The following IPMK variants were observed in gnomAD, a reference collection of about 807,000 sequenced individuals.
IPMK encodes inositol 1,3,4,6-tetrakisphosphate 5-kinase.
Under a neutral mutation model 45.8 loss-of-function variants are expected in IPMK, and 17 were observed. That is an observed-to-expected ratio of 0.37 (90% CI 0.25 to 0.56). IPMK has a LOEUF of 0.56. IPMK is among the 20% of genes least tolerant of loss of function. The probability of loss-of-function intolerance (pLI) is 0.79; values close to 1 mark genes in which losing one functional copy is unlikely to be tolerated. For synonymous variants in IPMK, 180 were observed against 184.3 expected, an observed-to-expected ratio of 0.98 and a Z score of 0.19; for missense variants, 399 against 498.0, an observed-to-expected ratio of 0.80 and a Z score of 1.89.
At chr10:58,231,158 C>T (rs1838510823) in intron 2 of IPMK, among the ~76,000 whole-genome samples, 1 of 152,120 alleles carries the variant, frequency 6.6e-6, no homozygotes, top group South Asian at 2.1e-4. Flanking sequence ...AACAAAGCCT[C>T]CAAGAAATAT....
At chr10:58,223,372 G>A (rs1050826919) in intron 3 of IPMK, among the ~76,000 whole-genome samples, 4 of 151,940 alleles carry the variant, frequency 2.6e-5, no homozygotes, top group South Asian at 2.1e-4. Context: ...GAAAAATCTC[G>A]AAAAATCTAC....
At chr10:58,220,645 C>CA (rs58216154) in intron 3 of IPMK, among the ~76,000 whole-genome samples, 51,337 of 151,888 alleles carry the variant, frequency 0.34, 10,897 homozygotes, top group African/African-American at 0.61. Context: ...GTCCTCATCC[C>CA]ATAAATGCAG....
At chr10:58,203,504 C>G (rs888398244) in intron 4 of IPMK, among the ~76,000 whole-genome samples, 2 of 151,988 alleles carry the variant, frequency 1.3e-5, no homozygotes, top group Admixed American at 6.6e-5. Context: ...CTTTTGTAGA[C>G]GGGGTTTCAC....
intron 2 of IPMK, among the ~76,000 whole-genome samples, chr10:58,236,033 AT>A (rs1199696889): frequency 2.0e-5 from 3 of 151,070 alleles, no homozygotes; most frequent in Non-Finnish European, 4.4e-5. Context: ...GGTTCAAATG[AT>A]TTTCCTGCCT....
At chr10:58,209,866 G>C (rs538845205) in intron 4 of IPMK, among the ~76,000 whole-genome samples, 2 of 152,284 alleles carry the variant, frequency 1.3e-5, no homozygotes, top group East Asian at 1.9e-4. Flanking sequence ...GGCCTGAGTT[G>C]GTTGGCCTCC....
At chr10:58,266,748 A>G (rs1189694296) in intron 1 of IPMK, among the ~76,000 whole-genome samples, 1 of 152,206 alleles carries the variant, frequency 6.6e-6, no homozygotes, top group African/African-American at 2.4e-5. Flanking sequence ...AGCCTTATAA[A>G]ATGAACAAGA....
chr10:58,226,956 T>C, intron 3 of IPMK, 87 bp downstream of exon 3: 1 of 784,942 alleles, frequency 1.3e-6, no homozygotes, highest in Non-Finnish European at 2.1e-6. Flanking sequence ...TAATACATAC[T>C]CAGTTAAATT....
chr10:58,257,222 C>T (rs867094922), intron 1 of IPMK, among the ~76,000 whole-genome samples: 5 of 152,100 alleles, frequency 3.3e-5, no homozygotes, highest in African/African-American at 7.2e-5. Context: ...CAGCCAGGCC[C>T]GGTGGCTCAC....
At chr10:58,227,309 T>C (rs1181913900) in intron 2 of IPMK, among the ~76,000 whole-genome samples, 170 bp from the exon 3 acceptor site, 1 of 128,968 alleles carries the variant, frequency 7.8e-6, no homozygotes, top group Non-Finnish European at 1.6e-5. Flanking sequence ...TGAGTAACTA[T>C]GTATTTAGAG....
At chr10:58,197,300 AAAATAAATAAAT>A (rs200761885) in intron 5 of IPMK, among the ~76,000 whole-genome samples, 16 of 83,316 alleles carry the variant, frequency 1.9e-4, no homozygotes, top group South Asian at 1.8e-3. Context: ...CTCCGTCTCA[AAAATAAATAAAT>A]AAATAAATAA....
chr10:58,264,697 GTC>G (rs1273276889), intron 1 of IPMK, among the ~76,000 whole-genome samples: 1 of 152,080 alleles, frequency 6.6e-6, no homozygotes, highest in African/African-American at 2.4e-5. Flanking sequence ...ATGGTGAAAA[GTC>G]TAAAAATCTA....
At chr10:58,197,476 T>G (rs201321511) in intron 5 of IPMK, among the ~76,000 whole-genome samples, 1 of 146,526 alleles carries the variant, frequency 6.8e-6, no homozygotes, top group Admixed American at 6.8e-5. Flanking sequence ...CGGTGAAACC[T>G]CGTCTCTACT....
In IPMK at chr10:58,227,039, T is replaced by C; in HGVS notation, c.373+4A>G. Reference sequence around the variant, plus strand: ...CTGAAAGATAATTTTTATGACAAGATTACCGTTTGGTGCAGTGGGAGGTGA... The same window carrying C: ...CTGAAAGATAATTTTTATGACAAGACTACCGTTTGGTGCAGTGGGAGGTGA... On this transcript the variant is annotated splice_donor_region_variant and intron_variant, in intron 3 of 5. Transcript: ENST00000373935. 6.3e-7 allele frequency: 1 copy of C among 1,588,478 alleles called. No individual in the cohort carries two copies.
chr10:58,241,514 G>C (rs900302239), intron 1 of IPMK, among the ~76,000 whole-genome samples: 1 of 152,136 alleles, frequency 6.6e-6, no homozygotes, highest in East Asian at 1.9e-4. Flanking sequence ...CAAATCTGTG[G>C]TGCACTGACA....
chr10:58,238,681 C>T (rs1043757770), intron 1 of IPMK, among the ~76,000 whole-genome samples: 1 of 152,140 alleles, frequency 6.6e-6, no homozygotes, highest in African/African-American at 2.4e-5. Context: ...TGTGCTAACA[C>T]TGTAACAAGA....
intron 1 of IPMK, among the ~76,000 whole-genome samples, chr10:58,252,191 G>A (rs906615721): frequency 2.0e-5 from 3 of 152,264 alleles, no homozygotes; most frequent in African/African-American, 2.4e-5. Context: ...AAAACATCTT[G>A]TAGTTACAAC....
rs534185571 is a variant in IPMK at position 58,250,720 on chromosome 10, G to T, written c.191-12906C>A. ...TAGGAGTAGGACTTCCACTCAAATAGGAGTAGTGAAAATGAGCATCCTTGT... is the reference window on the plus strand; with the variant it reads ...TAGGAGTAGGACTTCCACTCAAATATGAGTAGTGAAAATGAGCATCCTTGT... On this transcript the variant is annotated intron_variant, in intron 1 of 5. Coordinates refer to ENST00000373935, the MANE Select transcript of IPMK (RefSeq NM_152230.5). 2.0e-5 allele frequency among the ~76,000 whole-genome samples: 3 copies of T among 152,262 alleles called. No homozygotes were observed. In the South Asian group the frequency reaches 6.2e-4, roughly 32 times the overall value.
At chr10:58,212,532 G>T in intron 4 of IPMK, 1 of 205,534 alleles carries the variant, frequency 4.9e-6, no homozygotes, top group Admixed American at 5.0e-5. Flanking sequence ...TGCCGAATTT[G>T]TTAACCCTTT....
intron 3 of IPMK, among the ~76,000 whole-genome samples, chr10:58,218,996 T>C (rs1838290554): frequency 6.6e-6 from 1 of 152,224 alleles, no homozygotes; most frequent in African/African-American, 2.4e-5. Flanking sequence ...TAAATAGGGA[T>C]GAATATCATG....
Sources: gnomAD v4.1 joint callset for allele counts (sites outside exome capture counted in the v4.1 genomes callset) on GRCh38, gnomAD v4.1.1 for gene constraint, MANE v1.5 for transcripts, NCBI Gene and HGNC (gene_info 2026-07-23, HGNC 2026-07-21) for gene names.